GADL1: variants seen among roughly 807,000 people sequenced by gnomAD.
GADL1 encodes the protein acidic amino acid decarboxylase GADL1.
In GADL1, 71 loss-of-function variants were observed where a neutral mutation model predicts 69.5. The ratio of observed to expected loss-of-function variants is 1.02; its 90% CI spans 0.84 to 1.25. GADL1 has a LOEUF of 1.25. Among genes scored for constraint, GADL1 ranks in the 50% most tolerant of loss-of-function variants. GADL1 has a pLI of 0.00. For synonymous variants in GADL1, 254 were observed against 214.4 expected (o/e 1.18, Z -1.62); for missense variants, 737 against 631.8 (o/e 1.17, Z -1.79).
chr3:30,860,009 G>C (rs1698296017), intron 2 of GADL1, among the ~76,000 whole-genome samples: 1 of 151,846 alleles, frequency 6.6e-6, no homozygotes, highest in African/African-American at 2.4e-5. Context: ...CCCTTGCTGT[G>C]TTAAGTACAT....
intron 13 of GADL1, among the ~76,000 whole-genome samples, chr3:30,785,329 A>C (rs1366007622): frequency 6.6e-6 from 1 of 151,718 alleles, no homozygotes; most frequent in African/African-American, 2.4e-5. Context: ...ATGACATAGT[A>C]ATTGTTCAAT....
intron 14 of GADL1, among the ~76,000 whole-genome samples, chr3:30,739,957 G>A (rs868049247): frequency 6.6e-6 from 1 of 152,104 alleles, no homozygotes; most frequent in African/African-American, 2.4e-5. Context: ...CACATTTTGA[G>A]AAAATTAATG....
chr3:30,784,025 G>C (rs1214950580), intron 13 of GADL1, among the ~76,000 whole-genome samples: 1 of 152,012 alleles, frequency 6.6e-6, no homozygotes, highest in Non-Finnish European at 1.5e-5. Flanking sequence ...AACTCAAATT[G>C]AGAAAATAGA....
At chr3:30,865,730 A>G (rs1368835792) in intron 1 of GADL1, among the ~76,000 whole-genome samples, 1 of 151,066 alleles carries the variant, frequency 6.6e-6, no homozygotes, top group Non-Finnish European at 1.5e-5. Context: ...TGGCTGCAAG[A>G]CCCTCCCTTT....
intron 14 of GADL1, among the ~76,000 whole-genome samples, chr3:30,768,911 G>A (rs1237199561): frequency 6.6e-6 from 1 of 151,938 alleles, no homozygotes; most frequent in East Asian, 1.9e-4. Context: ...AGTGCCACCA[G>A]GGGGCAGGCT....
chr3:30,736,913 C>T (rs953447307), intron 14 of GADL1, among the ~76,000 whole-genome samples: 2 of 152,046 alleles, frequency 1.3e-5, no homozygotes, highest in African/African-American at 2.4e-5. Context: ...AATACAAAAA[C>T]ATTTTAAAAG....
At chr3:30,831,064 C>T (rs1296155082) in intron 11 of GADL1, among the ~76,000 whole-genome samples, 2 of 151,978 alleles carry the variant, frequency 1.3e-5, no homozygotes, top group East Asian at 3.9e-4. Flanking sequence ...GGCATAGATA[C>T]TGCAAGCCTT....
intron 11 of GADL1, among the ~76,000 whole-genome samples, chr3:30,812,706 CAGAT>C (rs999885385): frequency 6.6e-5 from 10 of 152,132 alleles, no homozygotes; most frequent in Admixed American, 3.9e-4. Flanking sequence ...CTAGTATCAA[CAGAT>C]AGGGGAACTT....
chr3:30,830,724 T>C (rs552296958), intron 11 of GADL1, among the ~76,000 whole-genome samples: 5 of 152,146 alleles, frequency 3.3e-5, no homozygotes, highest in Admixed American at 3.3e-4. Flanking sequence ...ACTTTACCAG[T>C]CCAGACTTCT....
intron 14 of GADL1, among the ~76,000 whole-genome samples, chr3:30,750,091 C>G (rs2125476891): frequency 6.6e-6 from 1 of 152,328 alleles, no homozygotes; most frequent in South Asian, 2.1e-4. Flanking sequence ...TCCTCCTCCT[C>G]TTTCTCCTTC....
intron 14 of GADL1, among the ~76,000 whole-genome samples, chr3:30,749,739 C>T (rs1695771175): frequency 6.6e-6 from 1 of 152,212 alleles, no homozygotes; most frequent in Non-Finnish European, 1.5e-5. Context: ...CAGAAGTCCT[C>T]TACTGAGTGG....
chr3:30,763,971 TAACA>T (rs1440121080), intron 14 of GADL1, among the ~76,000 whole-genome samples: 2 of 152,128 alleles, frequency 1.3e-5, no homozygotes, highest in African/African-American at 4.8e-5. Context: ...ACTTTTTTCT[TAACA>T]AAGAATAAAA....
chr3:30,890,831 A>G (rs1361909158), intron 1 of GADL1, among the ~76,000 whole-genome samples: 2 of 152,210 alleles, frequency 1.3e-5, no homozygotes, highest in East Asian at 3.8e-4. Flanking sequence ...ACTTTCACAT[A>G]CAATTTTCTG....
chr3:30,797,432 T>C (rs1274508582), intron 12 of GADL1, among the ~76,000 whole-genome samples: 1 of 152,210 alleles, frequency 6.6e-6, no homozygotes, highest in African/African-American at 2.4e-5. Flanking sequence ...AAAACTTAAA[T>C]AGCATGTAGG....
Position 30,807,746 on chromosome 3 carries a change from C to T in GADL1, c.1051-6658G>A, listed in dbSNP as rs566284204. The stretch of plus-strand genomic sequence containing the variant: ...TAAGCAGAGGACAATAGTGAATGTG[C>T]GGCCGGGTGCAGTAGTGGCTCATGC... On this transcript the variant is annotated intron_variant, in intron 11 of 14. Transcript: ENST00000282538. Among the ~76,000 whole-genome samples, 25 of 152,196 alleles carry T rather than the reference C, an allele frequency of 1.6e-4. 1 individual carries two copies. In the South Asian group the frequency reaches 4.6e-3, roughly 28 times the overall value.
intron 6 of GADL1, among the ~76,000 whole-genome samples, chr3:30,846,377 A>G (rs1698057047): frequency 6.6e-6 from 1 of 152,188 alleles, no homozygotes; most frequent in Admixed American, 6.5e-5. Context: ...AAGTGCCTAC[A>G]TGAAAGAGAG....
chr3:30,771,156 C>T (rs941462605), intron 14 of GADL1, among the ~76,000 whole-genome samples: 4 of 152,136 alleles, frequency 2.6e-5, no homozygotes, highest in African/African-American at 9.7e-5. Flanking sequence ...AGAGATTGAG[C>T]ATAAAAGCGA....
chr3:30,880,174 A>G (rs991919023), intron 1 of GADL1, among the ~76,000 whole-genome samples: 1 of 151,984 alleles, frequency 6.6e-6, no homozygotes, highest in Non-Finnish European at 1.5e-5. Flanking sequence ...ACCAACAATG[A>G]CAGTGCAATA....
chr3:30,813,090 G>A (rs1017161712), intron 11 of GADL1, among the ~76,000 whole-genome samples: 2 of 152,052 alleles, frequency 1.3e-5, no homozygotes, highest in Non-Finnish European at 2.9e-5. Context: ...CAAATTTTTG[G>A]CATATCTGGG....
Sources: allele counts gnomAD v4.1 joint callset (sites outside exome capture counted in the v4.1 genomes callset), GRCh38; gene constraint gnomAD v4.1.1; transcripts MANE v1.5; gene names NCBI Gene and HGNC (gene_info 2026-07-23, HGNC 2026-07-21).